The following PKD1L1 variants were observed in gnomAD, a reference collection of about 807,000 sequenced individuals.
PKD1L1 encodes polycystin 1 like 1, transient receptor potential channel interacting.
PKD1L1 carries 236 observed loss-of-function variants against 323.4 expected under a neutral mutation model. That is an observed-to-expected ratio of 0.73 (90% CI 0.66 to 0.81). The LOEUF is 0.81. Ranked by LOEUF, PKD1L1 falls within the 40% of genes least tolerant of loss-of-function variation. The pLI is 0.00. For missense variants in PKD1L1, 3,320 were observed against 3,508.0 expected (o/e 0.95, Z 1.35); for synonymous variants, 1,344 against 1,335.0 (o/e 1.01, Z -0.15).
chr7:47,876,119 A>G lies in PKD1L1; in HGVS notation c.3762T>C (p.Gly1254=). The change falls in exon 23 of 57, where the codon GGT becomes GGC. Residue 1254 remains glycine, a synonymous_variant. Coordinates refer to ENST00000289672, the MANE Select transcript of PKD1L1 (RefSeq NM_138295.5). The stretch of plus-strand genomic sequence containing the variant: ...TACCTTTGTAATTGTCCAAGTGCTC[A>G]CCAGCTGGCAACACAAAATAATACT... ...DTQYYFVLPA[G]EHLDNYKVMV... 6.2e-7 allele frequency: 1 copy of G among 1,614,160 alleles called. No individual in the cohort carries two copies. Among genetic ancestry groups the G allele is most frequent in the Non-Finnish European group, 8.5e-7 (1 of 1,180,002 alleles).
intron 26 of PKD1L1, among the ~76,000 whole-genome samples, chr7:47,862,099 A>T (rs1313291390): frequency 1.3e-5 from 2 of 150,514 alleles, no homozygotes; most frequent in African/African-American, 4.9e-5. Context: ...GGACGCTGAG[A>T]CAGGAGAATC....
upstream of PKD1L1, among the ~76,000 whole-genome samples, chr7:47,953,284 ACAATTATC>A (rs1788230261): frequency 6.6e-6 from 1 of 152,196 alleles, no homozygotes; most frequent in Non-Finnish European, 1.5e-5. Context: ...TGAGTAGTAT[ACAATTATC>A]CGTATCATCT....
At position 47,881,925 on chromosome 7, in the gene PKD1L1, T is replaced by C. The variant is rs1786562512; in HGVS notation, c.3426A>G (p.Gln1142=). 1 of 1,601,148 alleles carries C rather than the reference T, an allele frequency of 6.2e-7. No homozygotes were observed. Among genetic ancestry groups the C allele is most frequent in the Non-Finnish European group, 8.5e-7 (1 of 1,176,006 alleles). ...PKALLGRAVF[Q]GYSSSGITEQ... Reference sequence around the variant, plus strand: ...CATTCATACCTGAGGATGAATAGCCTTGGAAAACTGCTCGACCCAGCAGGG... The same window carrying C: ...CATTCATACCTGAGGATGAATAGCCCTGGAAAACTGCTCGACCCAGCAGGG... The change falls in exon 20 of 57, where the codon CAA becomes CAG. Residue 1142 remains glutamine (Q), a synonymous_variant. Coordinates refer to ENST00000289672, the MANE Select transcript of PKD1L1 (RefSeq NM_138295.5).
chr7:47,849,280 T>C (rs1403938553), intron 31 of PKD1L1, among the ~76,000 whole-genome samples: 4 of 152,176 alleles, frequency 2.6e-5, no homozygotes, highest in Non-Finnish European at 5.9e-5. Flanking sequence ...CTTCTAGACA[T>C]TGGCTTAGGC....
At chr7:47,947,598 G>A (rs991593306) in intron 1 of PKD1L1, among the ~76,000 whole-genome samples, 19 of 152,244 alleles carry the variant, frequency 1.2e-4, no homozygotes, top group Admixed American at 9.8e-4. Flanking sequence ...GTCAACAGCA[G>A]AGCACACAGG....
At position 47,827,434 on chromosome 7, in the gene PKD1L1, C is replaced by A; in HGVS notation, c.6770G>T (p.Arg2257Leu). The change falls in exon 45 of 57, where the codon CGC (arginine) becomes CTC (leucine). Residue 2257 changes from arginine (R) to leucine (L), a missense_variant. By Grantham distance (102) the Arg-to-Leu change is moderately radical. Coordinates refer to ENST00000289672, the MANE Select transcript of PKD1L1 (RefSeq NM_138295.5). ...GGCCTTGGATGGTGGATGCGCCCAG[C>A]GCAGGTGGCGAGCTTGTTGTCGGGC... ...LAARQQARHL[R>L]WAHPPSKAQL... is the part of the protein sequence containing the mutation. 1.9e-6 allele frequency: 3 copies of A among 1,612,190 alleles called. No homozygotes were observed. The highest frequency in any genetic ancestry group is 8.5e-7 in the Non-Finnish European group (1 of 1,179,660).
At chr7:47,952,652 A>G (rs1365636104), upstream of PKD1L1, among the ~76,000 whole-genome samples, 1 of 152,220 alleles carries the variant, frequency 6.6e-6, no homozygotes, top group Non-Finnish European at 1.5e-5. Context: ...AATATGTGTC[A>G]ATCATCTGTG....
At chr7:47,876,050 A>G in intron 23 of PKD1L1, 47 bp downstream of exon 23, 1 of 1,601,336 alleles carries the variant, frequency 6.2e-7, no homozygotes, top group Non-Finnish European at 8.5e-7. Context: ...AAGGTTTAGA[A>G]CTGTAGGTTG....
intron 47 of PKD1L1, 109 bp from the exon 48 acceptor site, chr7:47,814,123 T>C (rs942778521): frequency 1.4e-4 from 112 of 783,466 alleles, no homozygotes; most frequent in Non-Finnish European, 2.1e-4. Context: ...CCTGCTACCA[T>C]AGAGGTCAGA....
In PKD1L1 at chr7:47,801,966, C is replaced by T. The variant is rs1189795890; in HGVS notation, c.7963-1087G>A. 4.6e-5 allele frequency among the ~76,000 whole-genome samples: 7 copies of T among 152,010 alleles called. No homozygotes were observed. The East Asian group carries it at 5.8e-4, about 13-fold the overall frequency. On this transcript the variant is annotated intron_variant, in intron 53 of 56. Transcript: ENST00000289672. ...CAGCACTTTGGGAGGCCGAGGCGGG[C>T]GGATCACGAGGTCAGGAGATCGAGA... is the stretch of plus-strand genomic sequence containing the variant.
chr7:47,798,872 C>A (rs12702388), intron 54 of PKD1L1, among the ~76,000 whole-genome samples: 107,214 of 151,478 alleles, frequency 0.71, 38,193 homozygotes, highest in Non-Finnish European at 0.75. Context: ...ACACCAACAG[C>A]AAAATCCATA....
intron 21 of PKD1L1, among the ~76,000 whole-genome samples, chr7:47,879,189 C>T (rs1460184949): frequency 6.6e-6 from 1 of 152,132 alleles, no homozygotes; most frequent in Non-Finnish European, 1.5e-5. Context: ...CTCATTGAGC[C>T]CAGCCCAGCC....
intron 7 of PKD1L1, among the ~76,000 whole-genome samples, chr7:47,924,532 A>G (rs1787621097): frequency 6.6e-6 from 1 of 152,242 alleles, no homozygotes; most frequent in Non-Finnish European, 1.5e-5. Flanking sequence ...CAACCTATAG[A>G]AACACAAACT....
At chr7:47,922,914 AAG>A (rs1006566235) in intron 7 of PKD1L1, among the ~76,000 whole-genome samples, 1 of 152,140 alleles carries the variant, frequency 6.6e-6, no homozygotes, top group African/African-American at 2.4e-5. Flanking sequence ...ATGTGGGGAA[AAG>A]AGAGATCAGA....
intron 17 of PKD1L1, among the ~76,000 whole-genome samples, 178 bp from the exon 18 acceptor site, chr7:47,886,232 T>C (rs981422840): frequency 6.6e-6 from 1 of 152,176 alleles, no homozygotes; most frequent in Non-Finnish European, 1.5e-5. Flanking sequence ...TGTGTTGGCA[T>C]GTTGGCCAAC....
At chr7:47,810,731 A>T (rs557711950) in intron 50 of PKD1L1, among the ~76,000 whole-genome samples, 1 of 152,238 alleles carries the variant, frequency 6.6e-6, no homozygotes, top group African/African-American at 2.4e-5. Context: ...GAAAATCAGG[A>T]AAGTTCCCAA....
the PKD1L1 span, among the ~76,000 whole-genome samples, chr7:47,953,620 C>G: frequency 1.3e-5 from 2 of 152,210 alleles, no homozygotes; most frequent in African/African-American, 4.8e-5. Context: ...GGTTAAGCCA[C>G]CAAACATCTA....
intron 51 of PKD1L1, among the ~76,000 whole-genome samples, chr7:47,808,598 T>C (rs1784831063): frequency 6.6e-6 from 1 of 152,228 alleles, no homozygotes. Flanking sequence ...CTAGGCTATA[T>C]GAGACAGCCT....
chr7:47,900,619 T>C (rs1173831284), intron 13 of PKD1L1, among the ~76,000 whole-genome samples: 1 of 152,028 alleles, frequency 6.6e-6, no homozygotes, highest in African/African-American at 2.4e-5. Context: ...TCCCAGCTAC[T>C]TGGGAGGCTG....
Sources: gnomAD v4.1 joint callset for allele counts (sites outside exome capture counted in the v4.1 genomes callset) on GRCh38, gnomAD v4.1.1 for gene constraint, MANE v1.5 for transcripts, NCBI Gene and HGNC (gene_info 2026-07-23, HGNC 2026-07-21) for gene names.